The following DCBLD2 variants were observed in gnomAD, a reference collection of about 807,000 sequenced individuals.
DCBLD2 encodes the protein discoidin, CUB and LCCL domain containing 2.
A neutral mutation model predicts 86.8 loss-of-function variants in DCBLD2; 54 were observed. The ratio of observed to expected loss-of-function variants is 0.62; its 90% CI spans 0.50 to 0.78. The LOEUF (loss-of-function observed/expected upper bound fraction) is 0.78. Ranked by LOEUF, DCBLD2 falls within the 30% of genes least tolerant of loss-of-function variation. The pLI, the probability that DCBLD2 is intolerant of heterozygous loss-of-function variation, is 0.00. For synonymous variants in DCBLD2, 354 were observed against 341.3 expected (o/e 1.04, Z -0.41); for missense variants, 908 against 954.2 (o/e 0.95, Z 0.64).
rs944112938 is a variant in DCBLD2 at position 98,898,019 on chromosome 3, T to C, written c.205+3103A>G. 2.6e-5 allele frequency among the ~76,000 whole-genome samples: 4 copies of C among 152,180 alleles called. No individual in the cohort carries two copies. The South Asian group carries it at 6.2e-4, about 24-fold the overall frequency. The stretch of plus-strand genomic sequence containing the variant: ...TCACCAATTTAATTTTTTTGAGAGG[T>C]ACATTTTACAGAAAAAAAGTCTTCA... On this transcript the variant is annotated intron_variant, in intron 1 of 15. Coordinates refer to ENST00000326840, the MANE Select transcript of DCBLD2 (RefSeq NM_080927.4).
chr3:98,901,176 G>C lies in DCBLD2; in HGVS notation c.151C>G (p.Leu51Val). 6.5e-7 allele frequency: 1 copy of C among 1,538,058 alleles called. No homozygotes were observed. The highest frequency in any genetic ancestry group is 8.7e-7 in the Non-Finnish European group (1 of 1,146,810). The change falls in exon 1 of 16, where the codon CTC (leucine) becomes GTC (valine). Residue 51 changes from leucine to valine, a missense_variant. Coordinates refer to ENST00000326840, the MANE Select transcript of DCBLD2 (RefSeq NM_080927.4). ...AGGAGCAGGACAAGTAAGAGCAGGAGGAACAGAGGCATGGAGAAGGAGGAG... is the reference window on the plus strand; with the variant it reads ...AGGAGCAGGACAAGTAAGAGCAGGACGAACAGAGGCATGGAGAAGGAGGAG... ...NSSSFSMPLF[L>V]LLLLVLLLLL...
At chr3:98,839,113 CTTTCTT>C (rs1388897955) in intron 3 of DCBLD2, among the ~76,000 whole-genome samples, 1 of 105,052 alleles carries the variant, frequency 9.5e-6, no homozygotes, top group African/African-American at 3.1e-5. Flanking sequence ...TTCTTTCTTT[CTTTCTT>C]TTTCTTTCTT....
chr3:98,876,633 A>T (rs1943376470), intron 2 of DCBLD2, among the ~76,000 whole-genome samples: 1 of 152,178 alleles, frequency 6.6e-6, no homozygotes, highest in African/African-American at 2.4e-5. Flanking sequence ...TATAACTTCC[A>T]ATTTAGCAAT....
At chr3:98,812,736 G>T (rs1270943752) in intron 9 of DCBLD2, 1 of 302,566 alleles carries the variant, frequency 3.3e-6, no homozygotes, top group Non-Finnish European at 6.1e-6. Context: ...AACTTAACAA[G>T]AGGGCTAACT....
At chr3:98,852,405 C>T (rs1449292764) in intron 2 of DCBLD2, among the ~76,000 whole-genome samples, 1 of 152,086 alleles carries the variant, frequency 6.6e-6, no homozygotes, top group Non-Finnish European at 1.5e-5. Flanking sequence ...CACCAACACG[C>T]CAGGCTAATT....
intron 3 of DCBLD2, among the ~76,000 whole-genome samples, chr3:98,831,446 C>A (rs780880984): frequency 6.6e-6 from 1 of 151,872 alleles, no homozygotes; most frequent in African/African-American, 2.4e-5. Context: ...TGTTTTTCTG[C>A]GTCTCACTGT....
intron 2 of DCBLD2, among the ~76,000 whole-genome samples, chr3:98,870,799 A>AAG (rs1241986663): frequency 1.4e-5 from 2 of 146,670 alleles, no homozygotes; most frequent in African/African-American, 2.6e-5. Flanking sequence ...GAAAGAAAGA[A>AAG]AGAAAGAAAG....
chr3:98,801,639 T>G lies in DCBLD2; in HGVS notation c.1681A>C (p.Thr561Pro), dbSNP rs367797096. The change falls in exon 14 of 16, where the codon ACT becomes CCT. Residue 561 changes from threonine (T) to proline (P), a missense_variant. Physicochemically the swap from Thr to Pro is conservative, Grantham distance 38. This residue lies in a region of DCBLD2 where 606 missense variants were observed against 678.5 expected (regional missense o/e 0.89). Transcript: ENST00000326840. ...AWHWRNRKKK[T>P]EGTYDLPYWD... is the part of the protein sequence containing the mutation. ...TAAGGTAAGTCATAGGTGCCTTCAG[T>G]TTTTTTCTTTCTGGAAAAATACAGA... is the stretch of plus-strand genomic sequence containing the variant. The G allele has an allele frequency of 1.2e-4, 188 of 1,606,650 alleles. No homozygotes were observed. The highest frequency in any genetic ancestry group is 1.5e-5 in the Non-Finnish European group (18 of 1,176,296).
chr3:98,882,477 C>T (rs2107523452), intron 1 of DCBLD2, among the ~76,000 whole-genome samples: 1 of 152,048 alleles, frequency 6.6e-6, no homozygotes, highest in African/African-American at 2.4e-5. Flanking sequence ...GCACAATGCG[C>T]AGGTTACACA....
Position 98,797,544 on chromosome 3 carries a change from T to C in DCBLD2, c.*1828A>G, listed in dbSNP as rs1039394025. 3.3e-5 allele frequency: 5 copies of C among 152,496 alleles called. No homozygotes were observed. Among genetic ancestry groups the C allele is most frequent in the African/African-American group, 1.2e-4 (5 of 41,470 alleles). 9.4% of individuals were successfully genotyped at this position (152,496 alleles called of 1,614,324 possible). A position where few individuals can be genotyped will look rare whatever the true frequency, so the allele number is the denominator to read the frequency against. ...TTAATATATGTGCTTTCCACATCCA[T>C]ATATGTTTTAATAAAAGTCTACCAT... On this transcript the variant is annotated 3_prime_UTR_variant, in exon 16 of 16. Coordinates refer to ENST00000326840, the MANE Select transcript of DCBLD2 (RefSeq NM_080927.4).
intron 1 of DCBLD2, chr3:98,890,414 T>C (rs1471718840): frequency 6.6e-6 from 1 of 152,082 alleles, no homozygotes; most frequent in Non-Finnish European, 1.5e-5. Context: ...GGAAAGAGCA[T>C]GGCCCTCTGC....
chr3:98,834,150 T>G (rs1195497806), intron 3 of DCBLD2, among the ~76,000 whole-genome samples: 1 of 151,370 alleles, frequency 6.6e-6, no homozygotes, highest in African/African-American at 2.4e-5. Flanking sequence ...TTCTTTTTTT[T>G]TTTTTTTTTT....
intron 2 of DCBLD2, among the ~76,000 whole-genome samples, chr3:98,861,249 G>C (rs1014230161): frequency 2.6e-5 from 4 of 152,118 alleles, no homozygotes; most frequent in Non-Finnish European, 5.9e-5. Context: ...TCTACAAGGA[G>C]ACTTAGACTC....
rs139432416 is a variant in DCBLD2, at chr3:98,799,847, G to A, written c.1859-6C>T. ...TACCAGTGGCTGAGCATACTCTGTG[G>A]ATATCACAAAACAACAGAAAAGTCA... On this transcript the variant is annotated splice_polypyrimidine_tract_variant and splice_region_variant and intron_variant, in intron 15 of 15. Coordinates refer to ENST00000326840, the MANE Select transcript of DCBLD2 (RefSeq NM_080927.4). The A allele has an allele frequency of 1.3e-6, 2 of 1,591,254 alleles. No homozygotes were observed. Among genetic ancestry groups the A allele is most frequent in the South Asian group, 1.1e-5 (1 of 87,644 alleles).
At chr3:98,874,417 T>A (rs1037337358) in intron 2 of DCBLD2, among the ~76,000 whole-genome samples, 1 of 152,190 alleles carries the variant, frequency 6.6e-6, no homozygotes, top group African/African-American at 2.4e-5. Flanking sequence ...TGCACAGTTA[T>A]TTCAATATTA....
intron 2 of DCBLD2, among the ~76,000 whole-genome samples, chr3:98,858,583 A>G (rs1942980592): frequency 6.6e-6 from 1 of 152,276 alleles, no homozygotes; most frequent in African/African-American, 2.4e-5. Context: ...GCTTTCGCAT[A>G]GCAAAGAAAA....
In DCBLD2 at chr3:98,850,404, G is replaced by A. The variant is rs1172194617; in HGVS notation, c.434-806C>T. On this transcript the variant is annotated intron_variant, in intron 2 of 15. Transcript: ENST00000326840. Reference sequence around the variant, plus strand: ...AAAGTTTATAAATTTCTGTTGGGCCGCATTCAAAGCTGTCCTGGGCCGCAT... The same window carrying A: ...AAAGTTTATAAATTTCTGTTGGGCCACATTCAAAGCTGTCCTGGGCCGCAT... 7.2e-5 allele frequency among the ~76,000 whole-genome samples: 11 copies of A among 152,244 alleles called. No individual in the cohort carries two copies. In the East Asian group the frequency reaches 7.7e-4, roughly 11 times the overall value.
chr3:98,838,039 C>CG (rs1228222442), intron 3 of DCBLD2, among the ~76,000 whole-genome samples: 2 of 110,070 alleles, frequency 1.8e-5, no homozygotes, highest in African/African-American at 3.4e-5. Flanking sequence ...GCTGGCCGGG[C>CG]GGGGGGCTGA....
intron 2 of DCBLD2, among the ~76,000 whole-genome samples, chr3:98,871,378 G>T (rs1048736583): frequency 5.3e-5 from 8 of 152,106 alleles, no homozygotes; most frequent in Admixed American, 2.0e-4. Context: ...TAGGAAGAAT[G>T]CTTTCAGTTT....
Sources: allele counts gnomAD v4.1 joint callset (sites outside exome capture counted in the v4.1 genomes callset), GRCh38; gene constraint gnomAD v4.1.1; regional missense constraint gnomAD v4.1.1; transcripts MANE v1.5; gene names NCBI Gene and HGNC (gene_info 2026-07-23, HGNC 2026-07-21).